The following ARHGEF10 variants were observed in gnomAD, a reference collection of about 807,000 sequenced individuals.
ARHGEF10 encodes Rho guanine nucleotide exchange factor (GEF) 10.
In ARHGEF10, 140 loss-of-function variants were observed where a neutral mutation model predicts 147.4. The observed-to-expected ratio is 0.95, with a 90% CI of 0.83 to 1.09. The LOEUF (loss-of-function observed/expected upper bound fraction) is 1.09. Among genes scored for constraint, ARHGEF10 ranks in the 50% least tolerant of loss-of-function variants. ARHGEF10 has a pLI of 0.00. For synonymous variants in ARHGEF10, 902 were observed against 695.8 expected (o/e 1.30, Z -4.67); for missense variants, 2,222 against 1,752.7 (o/e 1.27, Z -4.78).
In ARHGEF10 at chr8:1,909,352, T is replaced by C; in HGVS notation, c.2025T>C (p.Val675=). ...SSQRYLLKWS[V]PLGHVDAIEY... The stretch of plus-strand genomic sequence containing the variant: ...AGAGGTACTTGCTGAAGTGGAGCGT[T>C]CCACTGGGACATGTGGACGCCATCG... The change falls in exon 18 of 29, where the codon GTT becomes GTC. Residue 675 remains valine, a synonymous_variant. Transcript: ENST00000349830. 6.2e-7 allele frequency: 1 copy of C among 1,614,198 alleles called. No individual in the cohort carries two copies. The highest frequency in any genetic ancestry group is 8.5e-7 in the Non-Finnish European group (1 of 1,180,046).
intron 1 of ARHGEF10, among the ~76,000 whole-genome samples, chr8:1,830,652 G>A (rs1396370831): frequency 1.3e-5 from 2 of 152,242 alleles, no homozygotes; most frequent in African/African-American, 2.4e-5. Flanking sequence ...GTGAACCGCA[G>A]AGACCATGTG....
intron 2 of ARHGEF10, among the ~76,000 whole-genome samples, chr8:1,853,077 CCGGGCACTGGCGGGTGGTTAGATT>C (rs1805267352): frequency 1.7e-5 from 2 of 115,112 alleles, no homozygotes; most frequent in Non-Finnish European, 3.7e-5. Flanking sequence ...TAGATTTGGG[CCGGGCACTGGCGGGTGGTTAGATT>C]TGGGCTGGAT....
rs533493547 is a variant in ARHGEF10, at chr8:1,894,123, G to C, written c.1261-270G>C. Among the ~76,000 whole-genome samples, 5 of 149,744 alleles carry C rather than the reference G, an allele frequency of 3.3e-5. No individual in the cohort carries two copies. In the East Asian group the frequency reaches 5.9e-4, roughly 18 times the overall value. On this transcript the variant is annotated intron_variant, in intron 12 of 28. Transcript: ENST00000349830. Reference sequence around the variant, plus strand: ...CGGGAGGCAGAGGTTGCAGTGAGCTGAGATCATGCCATTGCACTCTAGCAC... The same window carrying C: ...CGGGAGGCAGAGGTTGCAGTGAGCTCAGATCATGCCATTGCACTCTAGCAC...
At position 1,937,795 on chromosome 8, in the gene ARHGEF10, G is replaced by T. The variant is rs1435600549; in HGVS notation, c.3222+3853G>T. On this transcript the variant is annotated intron_variant, in intron 26 of 28. Coordinates refer to ENST00000349830, the MANE Select transcript of ARHGEF10 (RefSeq NM_014629.4). The surrounding 1 kb of genome is among the most constrained non-coding windows in gnomAD (Gnocchi z 4.9). ...GCCATATGCTGTCAGAACAGTGCCG[G>T]CCTGGGAGCTGCATGTGATCTGGGC... 6.6e-6 allele frequency among the ~76,000 whole-genome samples: 1 copy of T among 152,202 alleles called. No homozygotes were observed.
intron 15 of ARHGEF10, 147 bp downstream of exon 15, chr8:1,898,672 G>C: frequency 1.2e-6 from 1 of 859,850 alleles, no homozygotes; most frequent in South Asian, 1.4e-5. Context: ...GTGGAGGGTA[G>C]AGGCAGGTGG....
chr8:1,931,911 G>T (rs552065157), intron 25 of ARHGEF10, among the ~76,000 whole-genome samples: 1 of 152,326 alleles, frequency 6.6e-6, no homozygotes, highest in East Asian at 1.9e-4. Flanking sequence ...AGAGAACAAA[G>T]TTCAGTTGTT....
chr8:1,901,727 C>G (rs944929192), intron 15 of ARHGEF10, among the ~76,000 whole-genome samples: 1 of 152,210 alleles, frequency 6.6e-6, no homozygotes, highest in Non-Finnish European at 1.5e-5. Flanking sequence ...GTCCCCGGTG[C>G]CACCACCAGT....
At chr8:1,884,197 T>C (rs572009436) in intron 10 of ARHGEF10, among the ~76,000 whole-genome samples, 4 of 151,950 alleles carry the variant, frequency 2.6e-5, no homozygotes, top group Non-Finnish European at 4.4e-5. Context: ...ATCAAGACCA[T>C]CCTGGCTAAC....
chr8:1,842,714 A>G (rs1804188415), intron 1 of ARHGEF10, among the ~76,000 whole-genome samples: 1 of 152,218 alleles, frequency 6.6e-6, no homozygotes, highest in African/African-American at 2.4e-5. Context: ...TGGTCTTAAC[A>G]CGAGTCACCA....
At chr8:1,881,595 G>A (rs528749450) in intron 9 of ARHGEF10, among the ~76,000 whole-genome samples, 6 of 150,016 alleles carry the variant, frequency 4.0e-5, no homozygotes, top group African/African-American at 9.9e-5. Context: ...CATTGCAAGT[G>A]ATGGAGATGG....
rs542107864 is a variant in ARHGEF10, at chr8:1,948,562, G to T, written c.3397+2907G>T. ...GGTACACGGGTTAGAGGCAACCTCG[G>T]TGACACCAGAAGTTCAGTTTTGTTT... On this transcript the variant is annotated intron_variant, in intron 27 of 28. Transcript: ENST00000349830. The surrounding 1 kb of genome is among the most constrained non-coding windows in gnomAD (Gnocchi z 4.9). Among the ~76,000 whole-genome samples, 1 of 152,172 alleles carries T rather than the reference G, an allele frequency of 6.6e-6. No homozygotes were observed. The highest frequency in any genetic ancestry group is 6.5e-5 in the Admixed American group (1 of 15,278).
intron 1 of ARHGEF10, among the ~76,000 whole-genome samples, chr8:1,827,172 C>T (rs982256131): frequency 3.3e-5 from 5 of 152,226 alleles, no homozygotes; most frequent in Non-Finnish European, 7.3e-5. Context: ...TGCCACCAGC[C>T]CCCACGCTGA....
At chr8:1,881,429 G>A (rs561704926) in intron 9 of ARHGEF10, among the ~76,000 whole-genome samples, 6 of 152,372 alleles carry the variant, frequency 3.9e-5, no homozygotes, top group African/African-American at 1.4e-4. Context: ...GACAGGCTGT[G>A]CAGGACGGAA....
At position 1,842,952 on chromosome 8, in the gene ARHGEF10, G is replaced by A. The variant is rs576673260; in HGVS notation, c.-47-401G>A. 4.6e-5 allele frequency among the ~76,000 whole-genome samples: 7 copies of A among 152,274 alleles called. 1 individual carries two copies. The highest frequency in any genetic ancestry group is 1.4e-4 in the African/African-American group (6 of 41,554). ...GGAAGAAAAAGGAGTGGAGAGGGCCGTCAGCGCCGCACCTGATCCCAGCTA... is the reference window on the plus strand; with the variant it reads ...GGAAGAAAAAGGAGTGGAGAGGGCCATCAGCGCCGCACCTGATCCCAGCTA... On this transcript the variant is annotated intron_variant, in intron 1 of 28. Transcript: ENST00000349830.
chr8:1,877,772 C>G (rs1807831858), intron 8 of ARHGEF10, among the ~76,000 whole-genome samples: 1 of 151,852 alleles, frequency 6.6e-6, no homozygotes, highest in South Asian at 2.1e-4. Flanking sequence ...TTGTGCTCAT[C>G]TACAGTGATG....
At chr8:1,921,192 A>T (rs950634340) in intron 18 of ARHGEF10, among the ~76,000 whole-genome samples, 1 of 152,342 alleles carries the variant, frequency 6.6e-6, no homozygotes, top group East Asian at 1.9e-4. Context: ...ATACCATGTA[A>T]TCATGTCTTC....
chr8:1,871,591 G>A (rs1270532092), intron 7 of ARHGEF10, among the ~76,000 whole-genome samples: 6 of 152,138 alleles, frequency 3.9e-5, no homozygotes, highest in Admixed American at 2.0e-4. Context: ...AGGCCGAGCC[G>A]GGTGGATCAT....
At chr8:1,828,765 A>T (rs1254917660) in intron 1 of ARHGEF10, among the ~76,000 whole-genome samples, 2 of 150,284 alleles carry the variant, frequency 1.3e-5, no homozygotes, top group African/African-American at 4.9e-5. Context: ...AAACCGTGGC[A>T]TGCACACTTA....
At chr8:1,902,993 G>A (rs1024649154) in intron 15 of ARHGEF10, among the ~76,000 whole-genome samples, 2 of 152,160 alleles carry the variant, frequency 1.3e-5, no homozygotes, top group South Asian at 2.1e-4. Context: ...CGTGAGCATC[G>A]TTCCAAGTGC....
Sources: gnomAD v4.1 joint callset for allele counts (sites outside exome capture counted in the v4.1 genomes callset) on GRCh38, gnomAD v4.1.1 for gene constraint, Gnocchi (gnomAD v3.1) non-coding constraint, MANE v1.5 for transcripts, NCBI Gene and HGNC (gene_info 2026-07-23, HGNC 2026-07-21) for gene names.